Variants in PSMD13 observed in about 807,000 individuals in gnomAD.
PSMD13 encodes 26S proteasome non-ATPase regulatory subunit 13.
Under a neutral mutation model 57.4 loss-of-function variants are expected in PSMD13, and 8 were observed. That is an observed-to-expected ratio of 0.14 (90% confidence interval 0.08 to 0.25). The LOEUF is 0.25. Ranked by LOEUF, PSMD13 falls within the 10% of genes least tolerant of loss-of-function variation. PSMD13 has a pLI of 1.00. For synonymous variants in PSMD13, 193 were observed against 168.2 expected (o/e 1.15, Z -1.14); for missense variants, 400 against 461.5 (o/e 0.87, Z 1.22).
At position 247,351 on chromosome 11, in the gene PSMD13, T is replaced by C; in HGVS notation, c.471T>C (p.Asp157=). Residue 157 remains aspartate, a synonymous_variant, in exon 7 of 13, where the codon GAT becomes GAC. Transcript: ENST00000532097. ...GVTSVHSRFY[D]LSSKYYQTIG... ...CATCGGTTCACAGTCGTTTCTATGATCTCTCCAGTAAATACTATCAAACAA... is the reference window on the plus strand; with the variant it reads ...CATCGGTTCACAGTCGTTTCTATGACCTCTCCAGTAAATACTATCAAACAA... 1.2e-6 allele frequency: 2 copies of C among 1,614,110 alleles called. No homozygotes were observed. Among genetic ancestry groups the C allele is most frequent in the Non-Finnish European group, 1.7e-6 (2 of 1,179,976 alleles).
intron 9 of PSMD13, among the ~76,000 whole-genome samples, chr11:250,316 T>G (rs534670736): frequency 7.9e-5 from 12 of 152,338 alleles, no homozygotes; most frequent in Admixed American, 6.5e-4. Context: ...ACAATGATAT[T>G]TTTCATTATA....
intron 2 of PSMD13, among the ~76,000 whole-genome samples, 194 bp downstream of exon 2, chr11:239,270 A>T (rs912189347): frequency 4.6e-5 from 7 of 152,162 alleles, no homozygotes; most frequent in Admixed American, 4.6e-4. Flanking sequence ...CACTTTTTTG[A>T]TGTAGAAGCA....
At chr11:243,331 T>G in intron 2 of PSMD13, 1 of 373,656 alleles carries the variant, frequency 2.7e-6, no homozygotes, top group Non-Finnish European at 5.4e-6. Flanking sequence ...TAGAGAACAT[T>G]TTATTTTTCT....
At position 239,055 on chromosome 11, in the gene PSMD13, C is replaced by T; in HGVS notation, c.153C>T (p.Ala51=). 1.2e-6 allele frequency: 2 copies of T among 1,613,924 alleles called. No individual in the cohort carries two copies. Among genetic ancestry groups the T allele is most frequent in the South Asian group, 1.1e-5 (1 of 91,072 alleles). The part of the protein sequence containing the change: ...VLDFVQDPCF[A]QGDGLIKLYE... ...ATTTTGTGCAGGATCCGTGCTTTGC[C>T]CAAGGAGATGGTCTCATTAAGGTAA... The change falls in exon 2 of 13, where the codon GCC becomes GCT. Residue 51 remains alanine (A), a synonymous_variant. Coordinates refer to ENST00000532097, the MANE Select transcript of PSMD13 (RefSeq NM_002817.4).
intron 5 of PSMD13, 62 bp from the exon 6 acceptor site, chr11:244,613 C>A: frequency 6.5e-7 from 1 of 1,542,868 alleles, no homozygotes; most frequent in Non-Finnish European, 8.9e-7. Flanking sequence ...AAGTAGCTAG[C>A]TTCCTTTGTT....
At chr11:240,266 C>T (rs1404775944) in intron 2 of PSMD13, among the ~76,000 whole-genome samples, 1 of 152,030 alleles carries the variant, frequency 6.6e-6, no homozygotes, top group African/African-American at 2.4e-5. Flanking sequence ...CCCACCACCA[C>T]AGCCAGCTGA....
chr11:249,408 G>A (rs17655188), intron 9 of PSMD13, among the ~76,000 whole-genome samples: 24,892 of 151,924 alleles, frequency 0.16, 2,608 homozygotes, highest in Non-Finnish European at 0.22. Flanking sequence ...TGCACTCAGC[G>A]GAGAAAACGG....
chr11:240,916 C>T (rs985646515), intron 2 of PSMD13, among the ~76,000 whole-genome samples: 25 of 152,104 alleles, frequency 1.6e-4, no homozygotes, highest in Admixed American at 1.6e-3. Flanking sequence ...ACTACATCCT[C>T]CTCCTCCCGG....
In PSMD13 at chr11:244,118, T is replaced by C. The variant is rs751036999; in HGVS notation, c.209+43T>C. Reference sequence around the variant, plus strand: ...GTTTTTCACTTTGAAAATGAGTGCATTGATGCTCGGCGGTGCTCAAAGGCT... The same window carrying C: ...GTTTTTCACTTTGAAAATGAGTGCACTGATGCTCGGCGGTGCTCAAAGGCT... On this transcript the variant is annotated intron_variant, in intron 3 of 12. Coordinates refer to ENST00000532097, the MANE Select transcript of PSMD13 (RefSeq NM_002817.4). 3.7e-5 allele frequency: 59 copies of C among 1,606,042 alleles called. 1 individual carries two copies. Among genetic ancestry groups the C allele is most frequent in the Non-Finnish European group, 4.8e-5 (56 of 1,173,618 alleles).
At chr11:244,525 A>C in intron 5 of PSMD13, 56 bp downstream of exon 5, 2 of 1,562,504 alleles carry the variant, frequency 1.3e-6, no homozygotes, top group South Asian at 1.1e-5. Context: ...TGTATGACTT[A>C]ACAGCTTGTG....
At chr11:243,670 C>T (rs1001898883) in intron 2 of PSMD13, among the ~76,000 whole-genome samples, 1 of 152,152 alleles carries the variant, frequency 6.6e-6, no homozygotes, top group African/African-American at 2.4e-5. Context: ...TACCAACAGC[C>T]CGGAAGCCAC....
At chr11:243,176 T>A (rs893481266) in intron 2 of PSMD13, 10 of 629,118 alleles carry the variant, frequency 1.6e-5, no homozygotes, top group Non-Finnish European at 3.1e-5. Context: ...TTTTGTGTCC[T>A]TGTTTTTAAT....
intron 2 of PSMD13, chr11:243,485 G>A (rs1859561427): frequency 3.3e-6 from 1 of 302,758 alleles, no homozygotes; most frequent in South Asian, 2.9e-5. Context: ...AAATAAACCT[G>A]AACATAGATC....
chr11:240,861 C>A (rs1159820125), intron 2 of PSMD13, among the ~76,000 whole-genome samples: 3 of 152,118 alleles, frequency 2.0e-5, no homozygotes, highest in Non-Finnish European at 2.9e-5. Flanking sequence ...GACGGAGTTT[C>A]ATTCTTATCA....
At chr11:249,174 C>A in intron 9 of PSMD13, 117 bp downstream of exon 9, 1 of 1,409,232 alleles carries the variant, frequency 7.1e-7, no homozygotes, top group Non-Finnish European at 9.7e-7. Context: ...AAGAGGAGAC[C>A]AAGATAGGCT....
Position 239,046 on chromosome 11 carries a change from G to A in PSMD13, c.144G>A (p.Pro48=), listed in dbSNP as rs571854945. ...AGGTGCTTGATTTTGTGCAGGATCC[G>A]TGCTTTGCCCAAGGAGATGGTCTCA... ...TLQVLDFVQD[P]CFAQGDGLIK... is the part of the protein sequence containing the mutation. Residue 48 remains proline, a synonymous_variant, in exon 2 of 13, where the codon CCG becomes CCA. Transcript: ENST00000532097. 3.5e-5 allele frequency: 57 copies of A among 1,614,132 alleles called. No homozygotes were observed. In the South Asian group the frequency reaches 5.7e-4, roughly 16 times the overall value.
intron 6 of PSMD13, among the ~76,000 whole-genome samples, chr11:246,554 A>G (rs1170118723): frequency 1.7e-4 from 26 of 152,166 alleles, no homozygotes; most frequent in Admixed American, 1.6e-3. Flanking sequence ...CAGTACTGCC[A>G]TAAGTATTTC....
At chr11:242,126 G>A in intron 2 of PSMD13, among the ~76,000 whole-genome samples, 1 of 149,354 alleles carries the variant, frequency 6.7e-6, no homozygotes, top group East Asian at 2.0e-4. Context: ...ATGCACTTCT[G>A]CCCCTTTTTT....
chr11:237,008 A>T lies in PSMD13; in HGVS notation c.-42A>T, dbSNP rs188150985. 6.6e-7 allele frequency: 1 copy of T among 1,523,768 alleles called. No homozygotes were observed. The highest frequency in any genetic ancestry group is 2.3e-5 in the East Asian group (1 of 44,290). The allele number at this position is 1,523,768 out of a possible 1,614,324, so 94.4% of individuals were successfully genotyped here. Reference sequence around the variant, plus strand: ...TCCGGCAGCCATCCCCGCGGTGCTGACATCCCGGTTGTTCTTCTGTGCCGG... The same window carrying T: ...TCCGGCAGCCATCCCCGCGGTGCTGTCATCCCGGTTGTTCTTCTGTGCCGG... On this transcript the variant is annotated 5_prime_UTR_variant, in exon 1 of 13. Transcript: ENST00000532097.
Sources: allele counts gnomAD v4.1 joint callset (sites outside exome capture counted in the v4.1 genomes callset), GRCh38; gene constraint gnomAD v4.1.1; transcripts MANE v1.5; gene names NCBI Gene and HGNC (gene_info 2026-07-23, HGNC 2026-07-21).